The following MGLL variants were observed in gnomAD, a reference collection of about 807,000 sequenced individuals.
MGLL encodes lysophospholipase homolog.
A neutral mutation model predicts 29.1 loss-of-function variants in MGLL; 7 were observed. The observed-to-expected ratio is 0.24, with a 90% CI of 0.14 to 0.45. MGLL has a LOEUF of 0.45. MGLL is among the 20% of genes least tolerant of loss of function. The pLI is 0.99. For synonymous variants in MGLL, 148 were observed against 168.3 expected (o/e 0.88, Z 0.93); for missense variants, 356 against 413.6 (o/e 0.86, Z 1.21).
chr3:127,801,534 T>C (rs1362788812), intron 2 of MGLL, among the ~76,000 whole-genome samples: 3 of 151,240 alleles, frequency 2.0e-5, no homozygotes, highest in Non-Finnish European at 4.4e-5. Flanking sequence ...GAGAATCACT[T>C]GAACCCGGGA....
At chr3:127,742,729 C>T (rs1559938282) in intron 3 of MGLL, among the ~76,000 whole-genome samples, 2 of 152,006 alleles carry the variant, frequency 1.3e-5, no homozygotes, top group African/African-American at 2.4e-5. Flanking sequence ...GAGAGAGAGC[C>T]GTATCACTAC....
At chr3:127,801,113 C>G (rs985628128) in intron 2 of MGLL, among the ~76,000 whole-genome samples, 22 of 151,742 alleles carry the variant, frequency 1.4e-4, no homozygotes, top group Admixed American at 1.0e-3. Context: ...ACCAGCCTGA[C>G]TAACATGGTG....
chr3:127,731,363 A>G (rs2107640958), intron 3 of MGLL, among the ~76,000 whole-genome samples: 1 of 135,736 alleles, frequency 7.4e-6, no homozygotes, highest in Non-Finnish European at 1.6e-5. Flanking sequence ...TATTATTATT[A>G]TTATTATTAT....
intron 6 of MGLL, among the ~76,000 whole-genome samples, chr3:127,708,450 G>A (rs1362584889): frequency 6.6e-6 from 1 of 152,184 alleles, no homozygotes; most frequent in East Asian, 1.9e-4. Flanking sequence ...GAGGAGGGGA[G>A]CCCCACCAGG....
At chr3:127,701,827 C>T (rs1314159552) in intron 6 of MGLL, among the ~76,000 whole-genome samples, 1 of 152,208 alleles carries the variant, frequency 6.6e-6, no homozygotes, top group East Asian at 1.9e-4. Flanking sequence ...TCCCCTTCCA[C>T]GGCCTTTCTC....
chr3:127,778,300 G>A (rs894453223), intron 3 of MGLL, among the ~76,000 whole-genome samples: 2 of 152,208 alleles, frequency 1.3e-5, no homozygotes, highest in Non-Finnish European at 2.9e-5. Context: ...GCAGGCCTGA[G>A]GGGTGACCCA....
Position 127,694,404 on chromosome 3 carries a change from T to C in MGLL, c.816+571A>G, listed in dbSNP as rs773594575. ...ATATGTGTGTATATATATGTATGTG[T>C]GTATATATATGTGTGTGTGTATATA... On this transcript the variant is annotated intron_variant, in intron 7 of 7. Transcript: ENST00000265052. 2.7e-4 allele frequency among the ~76,000 whole-genome samples: 41 copies of C among 150,112 alleles called. 2 individuals carry two copies. Among genetic ancestry groups the C allele is most frequent in the Non-Finnish European group, 4.9e-4 (33 of 67,814 alleles).
intron 3 of MGLL, 123 bp from the exon 4 acceptor site, chr3:127,722,689 C>G (rs1000197814): frequency 1.8e-5 from 24 of 1,302,856 alleles, no homozygotes; most frequent in Non-Finnish European, 2.6e-5. Context: ...CCTCATTTAA[C>G]CCTTTCCAGC....
intron 3 of MGLL, among the ~76,000 whole-genome samples, chr3:127,737,571 T>C (rs1231542396): frequency 6.7e-6 from 1 of 149,464 alleles, no homozygotes; most frequent in Non-Finnish European, 1.5e-5. Context: ...GCCCGGGTCA[T>C]TTGCAATTCC....
At chr3:127,822,596 A>C, upstream of MGLL, 2 of 477,754 alleles carry the variant, frequency 4.2e-6, no homozygotes, top group Non-Finnish European at 7.4e-6. Context: ...TTCCTAAACA[A>C]ATCGCTAGAG....
intron 6 of MGLL, among the ~76,000 whole-genome samples, chr3:127,705,789 A>AG (rs1553754318): frequency 1.1e-4 from 17 of 151,190 alleles, no homozygotes; most frequent in Admixed American, 4.6e-4. Flanking sequence ...AAAAAAAAAA[A>AG]AAGAAGAAGA....
chr3:127,771,205 T>C (rs2076942228), intron 3 of MGLL, among the ~76,000 whole-genome samples: 1 of 152,158 alleles, frequency 6.6e-6, no homozygotes, highest in Non-Finnish European at 1.5e-5. Context: ...TCCTGCCTCC[T>C]TGAAAGCCTG....
chr3:127,772,032 T>C (rs73862334), intron 3 of MGLL, among the ~76,000 whole-genome samples: 5,069 of 152,082 alleles, frequency 0.033, 194 homozygotes, highest in East Asian at 0.21. Flanking sequence ...TTTCCTACCG[T>C]CCCTCAAAAA....
chr3:127,691,976 T>TC lies in MGLL; in HGVS notation c.*221dup. 1 of 613,056 alleles carries TC rather than the reference T, an allele frequency of 1.6e-6. No homozygotes were observed. Among genetic ancestry groups the TC allele is most frequent in the Non-Finnish European group, 2.8e-6 (1 of 361,610 alleles). The allele number at this position is 613,056 out of a possible 1,614,324, so 38.0% of individuals were successfully genotyped here. A position where few individuals can be genotyped will look rare whatever the true frequency, so the allele number is the denominator to read the frequency against. On this transcript the variant is annotated 3_prime_UTR_variant, in exon 8 of 8. Transcript: ENST00000265052. ...TGTGGAAAATCACCTGGGACCTTTC[T>TC]CTTTTTTTGCATAAAGTGTCTAACC...
intron 5 of MGLL, chr3:127,712,750 C>A (rs1029604137): frequency 1.3e-5 from 2 of 152,302 alleles, no homozygotes; most frequent in Non-Finnish European, 2.9e-5. Flanking sequence ...GAAGGGTGGC[C>A]GTGATGGGTC....
intron 6 of MGLL, among the ~76,000 whole-genome samples, chr3:127,699,797 G>A (rs1376627643): frequency 2.6e-5 from 4 of 152,208 alleles, no homozygotes; most frequent in Non-Finnish European, 5.9e-5. Context: ...ATAAGCAGAT[G>A]GGCCTGACAG....
chr3:127,794,896 T>C (rs1467502791), intron 2 of MGLL, among the ~76,000 whole-genome samples: 1 of 152,244 alleles, frequency 6.6e-6, no homozygotes, highest in Non-Finnish European at 1.5e-5. Flanking sequence ...GCTCGTCCTT[T>C]TGGAAGAAAG....
chr3:127,763,222 G>T (rs1031464538), intron 3 of MGLL, among the ~76,000 whole-genome samples: 1 of 152,222 alleles, frequency 6.6e-6, no homozygotes, highest in South Asian at 2.1e-4. Context: ...GCAGCCAGGG[G>T]ACAGGTGTGC....
chr3:127,749,633 C>CA lies in MGLL; in HGVS notation c.263-27068dup, dbSNP rs1365179137. Among the ~76,000 whole-genome samples, 3 of 152,246 alleles carry CA rather than the reference C, an allele frequency of 2.0e-5. No homozygotes were observed. The East Asian group carries it at 5.8e-4, about 29-fold the overall frequency. Reference sequence around the variant, plus strand: ...CGCCAGTGCCTCTCATCCTGTGGCCCAGAGCAGATTCTAGAAAGAGGGCCT... The same window carrying CA: ...CGCCAGTGCCTCTCATCCTGTGGCCCAAGAGCAGATTCTAGAAAGAGGGCCT... On this transcript the variant is annotated intron_variant, in intron 3 of 7. Transcript: ENST00000265052.
Sources: allele counts gnomAD v4.1 joint callset (sites outside exome capture counted in the v4.1 genomes callset), GRCh38; gene constraint gnomAD v4.1.1; transcripts MANE v1.5; gene names NCBI Gene and HGNC (gene_info 2026-07-23, HGNC 2026-07-21).